Variants in ADGRA3 observed in about 807,000 individuals in gnomAD.
ADGRA3 encodes G-protein coupled receptor 125.
In ADGRA3, 56 loss-of-function variants were observed where a neutral mutation model predicts 119.8. That is an observed-to-expected ratio of 0.47 (90% CI 0.38 to 0.58). The LOEUF is 0.58. Ranked by LOEUF, ADGRA3 falls within the 20% of genes least tolerant of loss-of-function variation. The probability of loss-of-function intolerance (pLI) is 0.00; values close to 1 mark genes in which losing one functional copy is unlikely to be tolerated. For missense variants in ADGRA3, 1,516 were observed against 1,649.0 expected (o/e 0.92, Z 1.40); for synonymous variants, 607 against 623.8 (o/e 0.97, Z 0.40).
At chr4:22,487,554 G>A (rs558450685) in intron 1 of ADGRA3, among the ~76,000 whole-genome samples, 1 of 152,084 alleles carries the variant, frequency 6.6e-6, no homozygotes, top group Non-Finnish European at 1.5e-5. Context: ...CAAGGTCTGG[G>A]GGTTGGTGAC....
At chr4:22,393,589 C>T (rs527921368) in intron 16 of ADGRA3, 37 of 152,222 alleles carry the variant, frequency 2.4e-4, no homozygotes, top group African/African-American at 6.3e-4. Flanking sequence ...AGCAAAGTCA[C>T]GTAAGACCTA....
intron 10 of ADGRA3, among the ~76,000 whole-genome samples, chr4:22,433,494 C>G (rs183696871): frequency 6.6e-6 from 1 of 152,238 alleles, no homozygotes; most frequent in African/African-American, 2.4e-5. Context: ...TAATTAATAA[C>G]TAATGAAACC....
At position 22,439,451 on chromosome 4, in the gene ADGRA3, G is replaced by A. The variant is rs181405593; in HGVS notation, c.921-1031C>T. 2.0e-5 allele frequency among the ~76,000 whole-genome samples: 3 copies of A among 152,288 alleles called. No homozygotes were observed. The East Asian group carries it at 5.8e-4, about 29-fold the overall frequency. ...AGGACCCAGTATGCGTTGCTGTTAT[G>A]TAGACACAAATGATAAGAAATAATT... On this transcript the variant is annotated intron_variant, in intron 7 of 18. Coordinates refer to ENST00000334304, the MANE Select transcript of ADGRA3 (RefSeq NM_145290.4).
intron 11 of ADGRA3, among the ~76,000 whole-genome samples, chr4:22,422,985 CAG>C (rs1487199984): frequency 1.3e-5 from 2 of 152,012 alleles, no homozygotes; most frequent in African/African-American, 4.8e-5. Context: ...AGCTTGAGAT[CAG>C]GAGTTCGAGA....
At chr4:22,455,636 T>A (rs1197362732) in intron 3 of ADGRA3, among the ~76,000 whole-genome samples, 1 of 152,256 alleles carries the variant, frequency 6.6e-6, no homozygotes, top group Non-Finnish European at 1.5e-5. Flanking sequence ...CTTTTTCTTT[T>A]TACCTATGTA....
At position 22,436,393 on chromosome 4, in the gene ADGRA3, C is replaced by A. The variant is rs755378710; in HGVS notation, c.1287+47G>T. The A allele has an allele frequency of 4.9e-6, 7 of 1,439,784 alleles. No individual in the cohort carries two copies. The South Asian group carries it at 8.2e-5, about 17-fold the overall frequency. The allele number at this position is 1,439,784 out of a possible 1,614,324, so 89.2% of individuals were successfully genotyped here. ...AAAACTTATGTATTTGGTTTGAATA[C>A]CATGTTTTCTCCACAACCCAAGTAA... On this transcript the variant is annotated intron_variant, in intron 9 of 18. Transcript: ENST00000334304.
rs1258924608 is a variant in ADGRA3 at position 22,389,183 on chromosome 4, T to C, written c.2628A>G (p.Arg876=). Residue 876 remains arginine (R), a splice_region_variant and synonymous_variant, in exon 18 of 19, where the codon AGA becomes AGG. Transcript: ENST00000334304. Reference sequence around the variant, plus strand: ...GGATACCACCACCAATCAGGTAAAATCTAGAAGGAGGAATCACAGGAAAAA... The same window carrying C: ...GGATACCACCACCAATCAGGTAAAACCTAGAAGGAGGAATCACAGGAAAAA... ...EPPPPPRPML[R]FYLIGGGIPI... The C allele has an allele frequency of 6.2e-7, 1 of 1,607,352 alleles. No homozygotes were observed. The highest frequency in any genetic ancestry group is 8.5e-7 in the Non-Finnish European group (1 of 1,174,212).
At chr4:22,505,465 G>A (rs1719203597) in intron 1 of ADGRA3, among the ~76,000 whole-genome samples, 1 of 151,916 alleles carries the variant, frequency 6.6e-6, no homozygotes, top group African/African-American at 2.4e-5. Flanking sequence ...TGGCCAAGAT[G>A]ATGAAACCAC....
intron 10 of ADGRA3, among the ~76,000 whole-genome samples, chr4:22,434,767 G>A (rs1716326215): frequency 6.6e-6 from 1 of 152,116 alleles, no homozygotes; most frequent in African/African-American, 2.4e-5. Flanking sequence ...GCATATCATG[G>A]TTTCAATGTG....
chr4:22,455,303 T>C lies in ADGRA3; in HGVS notation c.402-366A>G, dbSNP rs1012131609. Among the ~76,000 whole-genome samples, 23 of 152,324 alleles carry C rather than the reference T, an allele frequency of 1.5e-4. No homozygotes were observed. The East Asian group carries it at 4.4e-3, about 29-fold the overall frequency. Reference sequence around the variant, plus strand: ...ACACAGTTAATTATGCTGGGGCAGTTGGAGAACTGAGCCCAAACTCAGCCA... The same window carrying C: ...ACACAGTTAATTATGCTGGGGCAGTCGGAGAACTGAGCCCAAACTCAGCCA... On this transcript the variant is annotated intron_variant, in intron 3 of 18. Transcript: ENST00000334304.
intron 1 of ADGRA3, among the ~76,000 whole-genome samples, chr4:22,511,138 G>C (rs1204768643): frequency 6.6e-6 from 1 of 152,188 alleles, no homozygotes. Flanking sequence ...TTTGTCTAGA[G>C]TCACCAAGTA....
intron 10 of ADGRA3, among the ~76,000 whole-genome samples, chr4:22,428,576 G>A (rs1013258185): frequency 3.9e-5 from 6 of 152,126 alleles, no homozygotes; most frequent in African/African-American, 1.4e-4. Flanking sequence ...ACAAATAGAG[G>A]AACCTACATT....
intron 2 of ADGRA3, among the ~76,000 whole-genome samples, chr4:22,462,598 A>G (rs921063536): frequency 4.4e-4 from 67 of 152,318 alleles, no homozygotes; most frequent in African/African-American, 1.6e-3. Flanking sequence ...TACAGGCATG[A>G]GCCACTGCAC....
intron 9 of ADGRA3, among the ~76,000 whole-genome samples, chr4:22,435,725 C>G (rs185071219): frequency 2.6e-5 from 4 of 152,174 alleles, no homozygotes; most frequent in African/African-American, 7.2e-5. Context: ...GTTGCACCAT[C>G]TATCTCTTCT....
At chr4:22,497,156 T>C (rs1311867193) in intron 1 of ADGRA3, among the ~76,000 whole-genome samples, 2 of 152,126 alleles carry the variant, frequency 1.3e-5, no homozygotes, top group African/African-American at 2.4e-5. Context: ...GCCAGAACAC[T>C]GGTGTCAAAG....
At chr4:22,416,297 C>A (rs1210577859) in intron 12 of ADGRA3, among the ~76,000 whole-genome samples, 2 of 152,042 alleles carry the variant, frequency 1.3e-5, no homozygotes. Flanking sequence ...AACAAACACA[C>A]GAATGAGAGG....
intron 6 of ADGRA3, among the ~76,000 whole-genome samples, chr4:22,444,450 T>A (rs1446806446): frequency 2.0e-5 from 3 of 152,156 alleles, no homozygotes; most frequent in Non-Finnish European, 2.9e-5. Flanking sequence ...CATGCTCAGC[T>A]AATTTTTGTA....
intron 7 of ADGRA3, 88 bp from the exon 8 acceptor site, chr4:22,438,508 T>C (rs967694778): frequency 7.2e-5 from 70 of 978,728 alleles, no homozygotes; most frequent in Non-Finnish European, 1.0e-4. Flanking sequence ...ATTTAGCAAA[T>C]ATTTTTGAAT....
At chr4:22,434,796 A>G (rs557168910) in intron 10 of ADGRA3, among the ~76,000 whole-genome samples, 1 of 152,356 alleles carries the variant, frequency 6.6e-6, no homozygotes, top group East Asian at 1.9e-4. Flanking sequence ...AAGTTAAAAT[A>G]CGCCACTTTT....
Sources: gnomAD v4.1 joint callset for allele counts (sites outside exome capture counted in the v4.1 genomes callset) on GRCh38, gnomAD v4.1.1 for gene constraint, MANE v1.5 for transcripts, NCBI Gene and HGNC (gene_info 2026-07-23, HGNC 2026-07-21) for gene names.